The following NAE1 variants were observed in gnomAD, a reference collection of about 807,000 sequenced individuals.
The protein encoded by NAE1 is NEDD8-activating enzyme E1 regulatory subunit.
Under a neutral mutation model 88.0 loss-of-function variants are expected in NAE1, and 59 were observed. That is an observed-to-expected ratio of 0.67 (90% CI 0.54 to 0.83). NAE1 has a LOEUF of 0.83. Among genes scored for constraint, NAE1 ranks in the 40% least tolerant of loss-of-function variants. The probability of loss-of-function intolerance (pLI) is 0.00; values close to 1 mark genes in which losing one functional copy is unlikely to be tolerated. For missense variants in NAE1, 554 were observed against 632.8 expected, an observed-to-expected ratio of 0.88 and a Z score of 1.34; for synonymous variants, 186 against 208.9, an observed-to-expected ratio of 0.89 and a Z score of 0.95.
At chr16:66,820,524 A>C (rs1213757464) in intron 7 of NAE1, among the ~76,000 whole-genome samples, 1 of 152,170 alleles carries the variant, frequency 6.6e-6, no homozygotes, top group Non-Finnish European at 1.5e-5. Flanking sequence ...TTGGGAGGCC[A>C]AGGCGGGTGG....
At chr16:66,809,332 A>G (rs1202567479) in intron 15 of NAE1, among the ~76,000 whole-genome samples, 1 of 152,202 alleles carries the variant, frequency 6.6e-6, no homozygotes, top group Non-Finnish European at 1.5e-5. Context: ...CAAGTGTAAA[A>G]TGGGGATGAT....
rs759147400 is a variant in NAE1, at chr16:66,826,714, G to C, written c.120C>G (p.Ala40=). The change falls in exon 2 of 20, where the codon GCC becomes GCG. Residue 40 remains alanine (A), a synonymous_variant. Coordinates refer to ENST00000290810, the MANE Select transcript of NAE1 (RefSeq NM_003905.4). ...AGTTTTTAAGAATTTCAGTTCCTGT[G>C]GCTGTTGCATTTATTAGGCAAACAT... ...SAHVCLINAT[A]TGTEILKNLV... The C allele has an allele frequency of 1.9e-6, 3 of 1,614,132 alleles. No homozygotes were observed. The highest frequency in any genetic ancestry group is 2.5e-6 in the Non-Finnish European group (3 of 1,180,026).
At chr16:66,818,446 C>A in intron 8 of NAE1, 82 bp downstream of exon 8, 3 of 984,134 alleles carry the variant, frequency 3.0e-6, no homozygotes, top group Admixed American at 6.0e-5. Context: ...AGGATTTTCT[C>A]ACTTTAGTGT....
rs1278388329 is a variant in NAE1, at chr16:66,803,013, A to G, written c.1601T>C (p.Leu534Ser). Reference protein sequence around the residue: ...GMSQTSATFQL With the variant: ...GMSQTSATFQS ...TACTTAAGGTGCTTGCTTACTCTAC[A>G]ACTGGAAAGTTGCTGAAGTTTGTGA... The change falls in exon 20 of 20, where the codon TTG becomes TCG. Residue 534 changes from leucine (L) to serine (S), a missense_variant. Coordinates refer to ENST00000290810, the MANE Select transcript of NAE1 (RefSeq NM_003905.4). The G allele has an allele frequency of 6.3e-7, 1 of 1,589,452 alleles. No homozygotes were observed. The highest frequency in any genetic ancestry group is 1.1e-5 in the South Asian group (1 of 90,572).
At chr16:66,822,958 G>A (rs1336042213) in intron 6 of NAE1, among the ~76,000 whole-genome samples, 4 of 143,658 alleles carry the variant, frequency 2.8e-5, no homozygotes, top group Non-Finnish European at 6.1e-5. Flanking sequence ...ATGAGCCACC[G>A]TGCCCAGCCA....
At chr16:66,808,462 C>T in intron 17 of NAE1, 59 bp downstream of exon 17, 3 of 1,168,516 alleles carry the variant, frequency 2.6e-6, no homozygotes, top group Non-Finnish European at 3.8e-6. Flanking sequence ...AGAACACTTT[C>T]AATTTAAATG....
rs779983992 is a variant in NAE1, at chr16:66,821,447, T to C, written c.511+3A>G. 3 of 1,554,648 alleles carry C rather than the reference T, an allele frequency of 1.9e-6. No homozygotes were observed. The highest frequency in any genetic ancestry group is 2.6e-6 in the Non-Finnish European group (3 of 1,154,660). ...AGTAAGCCCATATGCTCAACAATTT[T>C]ACCTGGATGTTCTTTTATAATGATC... On this transcript the variant is annotated splice_donor_region_variant and intron_variant, in intron 7 of 19. Transcript: ENST00000290810.
intron 3 of NAE1, among the ~76,000 whole-genome samples, chr16:66,825,248 C>T (rs1960419923): frequency 6.6e-6 from 1 of 151,994 alleles, no homozygotes; most frequent in Non-Finnish European, 1.5e-5. Context: ...GAGATCGAGA[C>T]CATCCTGGCT....
intron 4 of NAE1, 150 bp downstream of exon 4, chr16:66,824,705 A>T: frequency 3.0e-6 from 2 of 664,442 alleles, no homozygotes; most frequent in East Asian, 2.9e-5. Flanking sequence ...TTAAACTACC[A>T]AACATATGAA....
At chr16:66,821,975 T>C (rs1172719274) in intron 6 of NAE1, among the ~76,000 whole-genome samples, 1 of 152,088 alleles carries the variant, frequency 6.6e-6, no homozygotes, top group Non-Finnish European at 1.5e-5. Context: ...GCTCAAGTGA[T>C]TCTCCCATCC....
Position 66,802,901 on chromosome 16 carries a change from TAAG to T in NAE1, c.*105_*107del. ...TATTACAAATGAGAAAAATGTTTAT[TAAG>T]AAAACAATTTAGCAGCTCTCCTTTA... On this transcript the variant is annotated 3_prime_UTR_variant, in exon 20 of 20. Coordinates refer to ENST00000290810, the MANE Select transcript of NAE1 (RefSeq NM_003905.4). 1 of 706,266 alleles carries T rather than the reference TAAG, an allele frequency of 1.4e-6. No homozygotes were observed. The highest frequency in any genetic ancestry group is 2.5e-6 in the Non-Finnish European group (1 of 407,016). The allele number at this position is 706,266 out of a possible 1,614,324, so 43.7% of individuals were successfully genotyped here. A position where few individuals can be genotyped will look rare whatever the true frequency, so the allele number is the denominator to read the frequency against.
At chr16:66,823,429 A>G (rs774611223) in intron 5 of NAE1, 100 bp downstream of exon 5, 9 of 1,321,870 alleles carry the variant, frequency 6.8e-6, no homozygotes, top group Non-Finnish European at 1.1e-6. Flanking sequence ...TCAACTAATC[A>G]TAAATGACAC....
In NAE1 at chr16:66,808,472, G is replaced by A. The variant is rs545304045; in HGVS notation, c.1330+49C>T. The stretch of plus-strand genomic sequence containing the variant: ...CCCTGAGAACACTTTCAATTTAAAT[G>A]TTTTATTGAAGATCTTATTATATCT... On this transcript the variant is annotated intron_variant, in intron 17 of 19. Transcript: ENST00000290810. 5.0e-5 allele frequency: 61 copies of A among 1,219,246 alleles called. No homozygotes were observed. In the South Asian group the frequency reaches 7.6e-4, roughly 15 times the overall value. The allele number at this position is 1,219,246 out of a possible 1,614,324, so 75.5% of individuals were successfully genotyped here.
In NAE1 at chr16:66,816,724, G is replaced by A. The variant is rs1475159289; in HGVS notation, c.749-52C>T. The A allele has an allele frequency of 5.1e-6, 7 of 1,383,360 alleles. No individual in the cohort carries two copies. The Admixed American group carries it at 1.4e-4, about 27-fold the overall frequency. The allele number at this position is 1,383,360 out of a possible 1,614,324, so 85.7% of individuals were successfully genotyped here. ...ACAGCCCTTTTCTTTTCACTCTTCTGTTCCCCCATTATAAAAATAACCTTG... is the reference window on the plus strand; with the variant it reads ...ACAGCCCTTTTCTTTTCACTCTTCTATTCCCCCATTATAAAAATAACCTTG... On this transcript the variant is annotated intron_variant, in intron 10 of 19. Transcript: ENST00000290810.
At chr16:66,811,990 T>C (rs1225286815) in intron 13 of NAE1, among the ~76,000 whole-genome samples, 1 of 152,198 alleles carries the variant, frequency 6.6e-6, no homozygotes, top group Admixed American at 6.5e-5. Flanking sequence ...GCCCTAACTA[T>C]ACGAGGGTCA....
chr16:66,810,506 C>T (rs1039353355), intron 14 of NAE1, 93 bp from the exon 15 acceptor site: 5 of 1,242,072 alleles, frequency 4.0e-6, no homozygotes, highest in Non-Finnish European at 5.8e-6. Flanking sequence ...GATGGGAAGG[C>T]TTTCTCCAAG....
chr16:66,805,917 G>A lies in NAE1; in HGVS notation c.1440C>T (p.His480=), dbSNP rs779837351. 1.7e-5 allele frequency: 27 copies of A among 1,607,846 alleles called. No individual in the cohort carries two copies. In the East Asian group the frequency reaches 3.8e-4, roughly 23 times the overall value. ...ATACCCTAAAAAATACTCACAATTC[G>A]TGGACATAATCATCTTTCACCATTA... ...LSVMVKDDYV[H]EFCRYGAAEP... Residue 480 remains histidine (H), a synonymous_variant, in exon 18 of 20, where the codon CAC becomes CAT. Transcript: ENST00000290810.
chr16:66,823,898 A>AT (rs561956414), intron 4 of NAE1, among the ~76,000 whole-genome samples: 31 of 152,154 alleles, frequency 2.0e-4, no homozygotes, highest in African/African-American at 7.5e-4. Context: ...TGCCCAGCTA[A>AT]TTTTTTAAAA....
intron 11 of NAE1, among the ~76,000 whole-genome samples, chr16:66,815,868 G>T (rs942104803): frequency 5.3e-5 from 8 of 151,512 alleles, no homozygotes; most frequent in African/African-American, 1.9e-4. Context: ...TCACCATGTT[G>T]GCCAGGCTCG....
Sources: allele counts gnomAD v4.1 joint callset (sites outside exome capture counted in the v4.1 genomes callset), GRCh38; gene constraint gnomAD v4.1.1; transcripts MANE v1.5; gene names NCBI Gene and HGNC (gene_info 2026-07-23, HGNC 2026-07-21).